TENM4: variants seen among roughly 807,000 people sequenced by gnomAD.
TENM4 encodes teneurin transmembrane protein 4.
Under a neutral mutation model 243.3 loss-of-function variants are expected in TENM4, and 82 were observed. The observed-to-expected ratio is 0.34, with a 90% CI of 0.28 to 0.40. The LOEUF (loss-of-function observed/expected upper bound fraction) is 0.40, where lower values mean the gene tolerates loss of function less well. Ranked by LOEUF, TENM4 falls within the 10% of genes least tolerant of loss-of-function variation. The pLI is 1.00. For missense variants in TENM4, 3,138 were observed against 3,673.3 expected (o/e 0.85, Z 3.77); for synonymous variants, 1,412 against 1,456.3 (o/e 0.97, Z 0.69).
chr11:79,253,940 A>C (rs993882440), intron 2 of TENM4, among the ~76,000 whole-genome samples: 1 of 152,230 alleles, frequency 6.6e-6, no homozygotes, highest in Non-Finnish European at 1.5e-5. Flanking sequence ...ACACTTGGTC[A>C]CACTGATAGT....
chr11:79,352,488 C>T (rs942370223), intron 1 of TENM4, among the ~76,000 whole-genome samples: 3 of 152,222 alleles, frequency 2.0e-5, no homozygotes, highest in Non-Finnish European at 4.4e-5. Flanking sequence ...CACACCACTG[C>T]CTGGGTGACA....
chr11:79,239,197 C>T (rs1207859400), intron 2 of TENM4, among the ~76,000 whole-genome samples: 1 of 152,206 alleles, frequency 6.6e-6, no homozygotes, highest in African/African-American at 2.4e-5. Context: ...TCCACAGAGC[C>T]TTGTGCTCAT....
rs1406976860 is a variant in TENM4, at chr11:78,672,072, G to T, written c.5754C>A (p.Phe1918Leu). Residue 1918 changes from phenylalanine to leucine, a missense_variant, in exon 31 of 34, where the codon TTC becomes TTA. Around this residue, in one of 2 missense-constraint regions of TENM4, gnomAD observed 2,467 missense variants for 3,059.1 expected, o/e 0.81. Transcript: ENST00000278550. ...TGTAGCTCCATGTCTTCCCATCAGC[G>T]AAGATCCTGGATGTGATGCGGCCCG... ...DQAGRITSRI[F>L]ADGKTWSYTY... 6.2e-7 allele frequency: 1 copy of T among 1,613,966 alleles called. No individual in the cohort carries two copies.
chr11:78,995,685 C>A (rs969271309), intron 6 of TENM4, among the ~76,000 whole-genome samples: 4 of 150,170 alleles, frequency 2.7e-5, no homozygotes, highest in African/African-American at 9.8e-5. Flanking sequence ...GGGCCTTGAA[C>A]ATCACTGCTT....
chr11:78,880,786 G>A (rs1855413191), intron 9 of TENM4, among the ~76,000 whole-genome samples: 1 of 152,134 alleles, frequency 6.6e-6, no homozygotes. Flanking sequence ...GATTATTTTA[G>A]GTAATATCTG....
At chr11:78,889,737 C>A in intron 9 of TENM4, 48 bp downstream of exon 9, 1 of 1,539,486 alleles carries the variant, frequency 6.5e-7, no homozygotes, top group Admixed American at 2.0e-5. Flanking sequence ...GGTTGCTGCC[C>A]TCTGGGCCAA....
At chr11:78,858,208 G>A (rs554504314) in intron 10 of TENM4, among the ~76,000 whole-genome samples, 1 of 152,150 alleles carries the variant, frequency 6.6e-6, no homozygotes, top group African/African-American at 2.4e-5. Flanking sequence ...GTATCAGCTA[G>A]GTTTTGCAGC....
chr11:79,271,737 C>T (rs945130340), intron 2 of TENM4, among the ~76,000 whole-genome samples: 3 of 152,220 alleles, frequency 2.0e-5, no homozygotes, highest in African/African-American at 7.2e-5. Context: ...CAGCTCTCTC[C>T]CACAGGGTCC....
At chr11:79,115,364 C>T (rs983169857) in intron 4 of TENM4, among the ~76,000 whole-genome samples, 6 of 152,202 alleles carry the variant, frequency 3.9e-5, no homozygotes, top group Middle Eastern at 3.4e-3. Context: ...TCTCTTTTCG[C>T]CAACTCTCAA....
At chr11:78,705,844 T>C (rs2135782464) in intron 27 of TENM4, among the ~76,000 whole-genome samples, 1 of 152,342 alleles carries the variant, frequency 6.6e-6, no homozygotes, top group African/African-American at 2.4e-5. Flanking sequence ...CATCTTTCTC[T>C]ATATCTAAAA....
intron 19 of TENM4, among the ~76,000 whole-genome samples, chr11:78,746,750 G>A (rs1856061485): frequency 6.6e-6 from 1 of 152,218 alleles, no homozygotes; most frequent in Admixed American, 6.5e-5. Context: ...CTGGGGACAT[G>A]GGATATGTGG....
At chr11:79,091,541 G>T (rs1323061172) in intron 4 of TENM4, among the ~76,000 whole-genome samples, 1 of 152,156 alleles carries the variant, frequency 6.6e-6, no homozygotes, top group Non-Finnish European at 1.5e-5. Context: ...AACCTTAAAT[G>T]GTTCTCTACT....
At chr11:78,846,788 G>A (rs1858404489) in intron 12 of TENM4, among the ~76,000 whole-genome samples, 1 of 152,228 alleles carries the variant, frequency 6.6e-6, no homozygotes, top group South Asian at 2.1e-4. Context: ...GTAAGAGGGG[G>A]TCTCAGTTGG....
intron 28 of TENM4, among the ~76,000 whole-genome samples, chr11:78,690,973 A>C (rs561228915): frequency 6.6e-6 from 1 of 152,312 alleles, no homozygotes; most frequent in African/African-American, 2.4e-5. Context: ...CTGCAAAGCC[A>C]TTTGTGGAGT....
rs531070774 is a variant in TENM4 at position 78,955,108 on chromosome 11, C to T, written c.494-51585G>A. 2.6e-5 allele frequency among the ~76,000 whole-genome samples: 4 copies of T among 152,362 alleles called. No individual in the cohort carries two copies. The South Asian group carries it at 8.3e-4, about 32-fold the overall frequency. On this transcript the variant is annotated intron_variant, in intron 6 of 33. Coordinates refer to ENST00000278550, the MANE Select transcript of TENM4 (RefSeq NM_001098816.3). ...ATGGCAGTGAGCCTCACATGTTGGA[C>T]TGACCATCCATGAACAAAGCCCAAA...
chr11:78,999,376 C>T (rs564019353), intron 6 of TENM4, among the ~76,000 whole-genome samples: 12 of 152,034 alleles, frequency 7.9e-5, no homozygotes, highest in East Asian at 5.8e-4. Context: ...ATTAGCCAGG[C>T]GTGGTGGTGT....
chr11:78,689,602 T>C (rs1418444198), intron 28 of TENM4, among the ~76,000 whole-genome samples: 1 of 152,206 alleles, frequency 6.6e-6, no homozygotes, highest in Non-Finnish European at 1.5e-5. Context: ...TTCCTTCAGC[T>C]GGGCCTGGCT....
intron 1 of TENM4, among the ~76,000 whole-genome samples, 161 bp from the exon 2 acceptor site, chr11:79,297,704 G>A (rs964707869): frequency 2.6e-5 from 4 of 152,152 alleles, no homozygotes; most frequent in African/African-American, 9.7e-5. Flanking sequence ...AAAATGAAGT[G>A]CAATAATAAA....
intron 33 of TENM4, among the ~76,000 whole-genome samples, chr11:78,659,764 G>A (rs763550255): frequency 7.9e-5 from 12 of 152,212 alleles, no homozygotes; most frequent in Non-Finnish European, 1.2e-4. Flanking sequence ...GGGACAGGTC[G>A]GGCCCTGCCA....
Sources: allele counts gnomAD v4.1 joint callset (sites outside exome capture counted in the v4.1 genomes callset), GRCh38; gene constraint gnomAD v4.1.1; regional missense constraint gnomAD v4.1.1; transcripts MANE v1.5; gene names NCBI Gene and HGNC (gene_info 2026-07-23, HGNC 2026-07-21).